TRIM44: variants seen among roughly 807,000 people sequenced by gnomAD.
TRIM44 encodes tripartite motif containing 44.
In TRIM44, 13 loss-of-function variants were observed where a neutral mutation model predicts 37.4. The observed-to-expected ratio is 0.35, with a 90% CI of 0.23 to 0.55. The LOEUF is 0.55. Among genes scored for constraint, TRIM44 ranks in the 20% least tolerant of loss-of-function variants. TRIM44 has a pLI of 0.89. For missense variants in TRIM44, 426 were observed against 437.2 expected (o/e 0.97, Z 0.23); for synonymous variants, 175 against 157.2 (o/e 1.11, Z -0.85).
chr11:35,697,067 T>C (rs1851711465), intron 2 of TRIM44, among the ~76,000 whole-genome samples: 1 of 148,658 alleles, frequency 6.7e-6, no homozygotes, highest in Non-Finnish European at 1.5e-5. Context: ...TTCATAAACC[T>C]TTTTTTTTTA....
intron 2 of TRIM44, among the ~76,000 whole-genome samples, chr11:35,700,782 A>G (rs760645968): frequency 3.9e-5 from 6 of 152,208 alleles, no homozygotes; most frequent in Admixed American, 1.3e-4. Context: ...TATCTACAAT[A>G]TAATGCTCCA....
chr11:35,809,487 C>G lies in TRIM44; in HGVS notation c.*3102C>G, dbSNP rs1853500869. 6.6e-6 allele frequency: 1 copy of G among 152,172 alleles called. No individual in the cohort carries two copies. Among genetic ancestry groups the G allele is most frequent in the Non-Finnish European group, 1.5e-5 (1 of 68,042 alleles). The allele number at this position is 152,172 out of a possible 1,614,324, so 9.4% of individuals were successfully genotyped here. On this transcript the variant is annotated 3_prime_UTR_variant, in exon 5 of 5. Coordinates refer to ENST00000299413, the MANE Select transcript of TRIM44 (RefSeq NM_017583.6). ...GCATTGAGGTAGCCTTATTTCTCCCCTTTAGCAGATGCTTTAAGTACACAT... is the reference window on the plus strand; with the variant it reads ...GCATTGAGGTAGCCTTATTTCTCCCGTTTAGCAGATGCTTTAAGTACACAT...
Position 35,785,132 on chromosome 11 carries a change from AG to A in TRIM44, c.1008-21222del, listed in dbSNP as rs369556765. Among the ~76,000 whole-genome samples the A allele has an allele frequency of 7.2e-5, 11 of 152,348 alleles. No homozygotes were observed. In the South Asian group the frequency reaches 2.3e-3, roughly 32 times the overall value. On this transcript the variant is annotated intron_variant, in intron 4 of 4. Coordinates refer to ENST00000299413, the MANE Select transcript of TRIM44 (RefSeq NM_017583.6). Reference sequence around the variant, plus strand: ...TCTATAGAACCAAGTATACTGCTTGAGGGGATTAATTAAAACACAAATGAAT... The same window carrying A: ...TCTATAGAACCAAGTATACTGCTTGAGGGATTAATTAAAACACAAATGAAT...
At chr11:35,730,460 G>C (rs1852242533) in intron 3 of TRIM44, among the ~76,000 whole-genome samples, 1 of 152,118 alleles carries the variant, frequency 6.6e-6, no homozygotes, top group African/African-American at 2.4e-5. Flanking sequence ...AAATTTGGCT[G>C]AAAGACATAA....
At chr11:35,760,635 T>C (rs1039279765) in intron 4 of TRIM44, among the ~76,000 whole-genome samples, 1 of 152,196 alleles carries the variant, frequency 6.6e-6, no homozygotes, top group Non-Finnish European at 1.5e-5. Context: ...CCATCTTGGC[T>C]CCACTTCCTA....
At chr11:35,720,045 T>C (rs766475862) in intron 2 of TRIM44, among the ~76,000 whole-genome samples, 5 of 152,190 alleles carry the variant, frequency 3.3e-5, no homozygotes, top group Admixed American at 6.5e-5. Context: ...CCAAATAAAC[T>C]TTAGAATCAG....
intron 3 of TRIM44, among the ~76,000 whole-genome samples, chr11:35,728,219 G>A (rs1852207839): frequency 6.6e-6 from 1 of 152,120 alleles, no homozygotes; most frequent in Admixed American, 6.5e-5. Context: ...CCAGCTACTT[G>A]GGAGGCTGAG....
intron 4 of TRIM44, among the ~76,000 whole-genome samples, chr11:35,805,796 T>A (rs1054080734): frequency 6.6e-6 from 1 of 150,522 alleles, no homozygotes; most frequent in African/African-American, 2.5e-5. Context: ...ATGACAGACA[T>A]AAGATAGAGA....
intron 1 of TRIM44, among the ~76,000 whole-genome samples, chr11:35,674,755 A>C (rs1449912024): frequency 1.3e-5 from 2 of 152,226 alleles, no homozygotes; most frequent in Non-Finnish European, 2.9e-5. Context: ...AAGAATAAGC[A>C]AAGTTTCTAA....
intron 2 of TRIM44, among the ~76,000 whole-genome samples, chr11:35,715,064 T>C (rs141332708): frequency 6.6e-6 from 1 of 152,324 alleles, no homozygotes; most frequent in African/African-American, 2.4e-5. Flanking sequence ...AGCATTAGTA[T>C]TGAGTCATAG....
intron 2 of TRIM44, among the ~76,000 whole-genome samples, chr11:35,693,866 A>G (rs1418578153): frequency 6.6e-6 from 1 of 152,150 alleles, no homozygotes; most frequent in African/African-American, 2.4e-5. Flanking sequence ...GTATGCAAAC[A>G]TTTAAAACGT....
At chr11:35,784,760 C>G (rs554517171) in intron 4 of TRIM44, among the ~76,000 whole-genome samples, 5 of 152,324 alleles carry the variant, frequency 3.3e-5, no homozygotes, top group African/African-American at 1.2e-4. Context: ...CTCTCTATAT[C>G]TTTAAGTGAT....
At chr11:35,803,698 G>A (rs1853400453) in intron 4 of TRIM44, among the ~76,000 whole-genome samples, 1 of 152,176 alleles carries the variant, frequency 6.6e-6, no homozygotes, top group Non-Finnish European at 1.5e-5. Flanking sequence ...TCCAGCCTGG[G>A]TGATAGAGCA....
At chr11:35,686,071 A>G (rs1333347509) in intron 2 of TRIM44, among the ~76,000 whole-genome samples, 1 of 151,560 alleles carries the variant, frequency 6.6e-6, no homozygotes, top group Non-Finnish European at 1.5e-5. Flanking sequence ...GCCAGCTGCC[A>G]CTCAGAATAC....
rs942203370 is a variant in TRIM44, at chr11:35,812,963, C to T, written c.*6578C>T. On this transcript the variant is annotated 3_prime_UTR_variant, in exon 5 of 5. Coordinates refer to ENST00000299413, the MANE Select transcript of TRIM44 (RefSeq NM_017583.6). ...AAAACCATGTCTTCTTTTGCTATAGCGTTAGAATCCTGAAAGTCAGCCAGC... is the reference window on the plus strand; with the variant it reads ...AAAACCATGTCTTCTTTTGCTATAGTGTTAGAATCCTGAAAGTCAGCCAGC... The T allele has an allele frequency of 2.6e-5, 4 of 152,098 alleles. No homozygotes were observed. Among genetic ancestry groups the T allele is most frequent in the Non-Finnish European group, 5.9e-5 (4 of 68,038 alleles). 9.4% of individuals were successfully genotyped at this position (152,098 alleles called of 1,614,324 possible).
intron 4 of TRIM44, among the ~76,000 whole-genome samples, chr11:35,801,789 A>G (rs1565038894): frequency 6.6e-6 from 1 of 152,034 alleles, no homozygotes; most frequent in Non-Finnish European, 1.5e-5. Context: ...TCCCCTACCC[A>G]CAACCAAGAA....
intron 4 of TRIM44, among the ~76,000 whole-genome samples, chr11:35,784,914 C>T (rs1853110032): frequency 1.3e-5 from 2 of 152,172 alleles, no homozygotes; most frequent in Non-Finnish European, 2.9e-5. Context: ...CATGGTGCAT[C>T]ACCTGACTCT....
chr11:35,684,880 A>G (rs973357668), intron 1 of TRIM44, among the ~76,000 whole-genome samples: 1 of 152,230 alleles, frequency 6.6e-6, no homozygotes, highest in East Asian at 1.9e-4. Flanking sequence ...TTAATATTGC[A>G]TACTTCTATA....
rs1449309367 is a variant in TRIM44 at position 35,737,530 on chromosome 11, T to TA, written c.1007+2091dup. Among the ~76,000 whole-genome samples the TA allele has an allele frequency of 2.3e-4, 35 of 151,450 alleles. No individual in the cohort carries two copies. In the South Asian group the frequency reaches 7.1e-3, roughly 31 times the overall value. ...GACTCTGTCTCTAAAAATAAGTAAA[T>TA]AAAAAATAAATTTTAAAAATTGAGG... On this transcript the variant is annotated intron_variant, in intron 4 of 4. Transcript: ENST00000299413.
Sources: allele counts gnomAD v4.1 joint callset (sites outside exome capture counted in the v4.1 genomes callset), GRCh38; gene constraint gnomAD v4.1.1; transcripts MANE v1.5; gene names NCBI Gene and HGNC (gene_info 2026-07-23, HGNC 2026-07-21).